The following LRRC52 variants were observed in gnomAD, a reference collection of about 807,000 sequenced individuals.
LRRC52 encodes the protein leucine-rich repeat-containing protein 52.
A neutral mutation model predicts 14.7 loss-of-function variants in LRRC52; 15 were observed. The ratio of observed to expected loss-of-function variants is 1.02; its 90% confidence interval spans 0.68 to 1.58. The LOEUF is 1.58. Among genes scored for constraint, LRRC52 ranks in the 40% most tolerant of loss-of-function variants. The pLI is 0.00. For missense variants in LRRC52, 400 were observed against 387.7 expected (o/e 1.03, Z -0.27); for synonymous variants, 180 against 163.9 (o/e 1.10, Z -0.75).
intron 1 of LRRC52, among the ~76,000 whole-genome samples, chr1:165,553,824 T>G (rs866161021): frequency 6.6e-6 from 1 of 152,202 alleles, no homozygotes; most frequent in Non-Finnish European, 1.5e-5. Context: ...GGTGCCTGTA[T>G]TTCTCTTTCA....
At position 165,548,083 on chromosome 1, in the gene LRRC52, C is replaced by A. The variant is rs1211258993; in HGVS notation, c.622+3165C>A. Among the ~76,000 whole-genome samples, 5 of 152,274 alleles carry A rather than the reference C, an allele frequency of 3.3e-5. 1 individual carries two copies. In the East Asian group the frequency reaches 9.6e-4, roughly 29 times the overall value. ...AGCCCATGTATCTCTCTACATATAT[C>A]CACATTTCAGGAGATAGGAAGATTT... On this transcript the variant is annotated intron_variant, in intron 1 of 1. Coordinates refer to ENST00000294818, the MANE Select transcript of LRRC52 (RefSeq NM_001005214.4).
At chr1:165,560,576 G>A (rs550178724) in intron 1 of LRRC52, among the ~76,000 whole-genome samples, 1 of 152,206 alleles carries the variant, frequency 6.6e-6, no homozygotes, top group Non-Finnish European at 1.5e-5. Context: ...CTAGGGATGA[G>A]TTCACGAGTG....
intron 1 of LRRC52, among the ~76,000 whole-genome samples, chr1:165,551,760 G>A (rs577288375): frequency 6.6e-6 from 1 of 152,230 alleles, no homozygotes; most frequent in East Asian, 1.9e-4. Context: ...GTTTTGAGCA[G>A]AGAACATCTT....
chr1:165,546,347 C>T (rs187444398), intron 1 of LRRC52, among the ~76,000 whole-genome samples: 2 of 152,328 alleles, frequency 1.3e-5, no homozygotes, highest in Admixed American at 1.3e-4. Flanking sequence ...CTTTGTCAGA[C>T]CATCTTCCAA....
At chr1:165,563,454 G>T in intron 1 of LRRC52, 51 bp from the exon 2 acceptor site, 1 of 1,533,702 alleles carries the variant, frequency 6.5e-7, no homozygotes, top group Non-Finnish European at 8.8e-7. Flanking sequence ...GCCTTAGGAC[G>T]CTGGGAGTCA....
At position 165,546,563 on chromosome 1, in the gene LRRC52, T is replaced by TGG. The variant is rs548561481; in HGVS notation, c.622+1645_622+1646insGG. On this transcript the variant is annotated intron_variant, in intron 1 of 1. Transcript: ENST00000294818. ...GGATTCTCCCCTGTCCATGTTCCTGTAAATTAGCCTGTGGAAGGGTGTCAT... is the reference window on the plus strand; with the variant it reads ...GGATTCTCCCCTGTCCATGTTCCTGTGGAAATTAGCCTGTGGAAGGGTGTCAT... Among the ~76,000 whole-genome samples, 44 of 152,300 alleles carry TGG rather than the reference T, an allele frequency of 2.9e-4. No homozygotes were observed. The South Asian group carries it at 8.9e-3, about 31-fold the overall frequency.
intron 1 of LRRC52, among the ~76,000 whole-genome samples, chr1:165,561,144 A>G (rs1283334644): frequency 1.3e-5 from 2 of 152,092 alleles, no homozygotes; most frequent in Non-Finnish European, 2.9e-5. Context: ...AAAGCCACCC[A>G]CATCCCTCAC....
intron 1 of LRRC52, among the ~76,000 whole-genome samples, chr1:165,550,994 A>G (rs1661119149): frequency 6.6e-6 from 1 of 152,202 alleles, no homozygotes; most frequent in Non-Finnish European, 1.5e-5. Flanking sequence ...AGATAAGCAC[A>G]CAGGAGGTGA....
intron 1 of LRRC52, among the ~76,000 whole-genome samples, chr1:165,557,025 C>T (rs1451713988): frequency 6.6e-6 from 1 of 152,208 alleles, no homozygotes; most frequent in Non-Finnish European, 1.5e-5. Flanking sequence ...CAATAATCCA[C>T]CCTTGCATTC....
chr1:165,557,254 C>T (rs1347642057), intron 1 of LRRC52, among the ~76,000 whole-genome samples: 2 of 152,192 alleles, frequency 1.3e-5, no homozygotes, highest in African/African-American at 4.8e-5. Context: ...AGGCTTATAC[C>T]TCCATTTGGT....
In LRRC52 at chr1:165,550,751, C is replaced by A. The variant is rs74120752; in HGVS notation, c.622+5833C>A. Among the ~76,000 whole-genome samples, 990 of 151,682 alleles carry A rather than the reference C, an allele frequency of 6.5e-3. 3 individuals carry two copies. The highest frequency in any genetic ancestry group is 0.022 in the African/African-American group (926 of 41,334). ...TATAATGCTGGGGTGGCTGTTTCACCGAGAAAAAAAGTCATAATTTTTGTC... is the reference window on the plus strand; with the variant it reads ...TATAATGCTGGGGTGGCTGTTTCACAGAGAAAAAAAGTCATAATTTTTGTC... On this transcript the variant is annotated intron_variant, in intron 1 of 1. Coordinates refer to ENST00000294818, the MANE Select transcript of LRRC52 (RefSeq NM_001005214.4).
rs115275152 is a variant in LRRC52 at position 165,561,849 on chromosome 1, C to T, written c.623-1656C>T. 3.5e-3 allele frequency among the ~76,000 whole-genome samples: 537 copies of T among 152,308 alleles called. 1 individual carries two copies. The highest frequency in any genetic ancestry group is 0.012 in the African/African-American group (519 of 41,558). ...GAAGCAAGAGGCAAGTATTGGTGTC[C>T]GGGTGAAGAGGACTGCTCTTTCCAG... On this transcript the variant is annotated intron_variant, in intron 1 of 1. Coordinates refer to ENST00000294818, the MANE Select transcript of LRRC52 (RefSeq NM_001005214.4).
chr1:165,558,552 T>C (rs1003509343), intron 1 of LRRC52, among the ~76,000 whole-genome samples: 6 of 152,284 alleles, frequency 3.9e-5, no homozygotes, highest in African/African-American at 1.4e-4. Flanking sequence ...ATATAGTGCC[T>C]AGCACATGTC....
At chr1:165,552,151 G>A (rs1338881570) in intron 1 of LRRC52, among the ~76,000 whole-genome samples, 1 of 152,012 alleles carries the variant, frequency 6.6e-6, no homozygotes, top group Admixed American at 6.5e-5. Context: ...GCAAGCATGG[G>A]ACATTTAGGA....
chr1:165,563,553 C>G lies in LRRC52; in HGVS notation c.671C>G (p.Pro224Arg), dbSNP rs903420522. Residue 224 changes from proline (P) to arginine (R), a missense_variant, in exon 2 of 2, where the codon CCC (proline) becomes CGC (arginine). Pro to Arg is a moderately radical substitution (Grantham distance 103, BLOSUM62 -2). Transcript: ENST00000294818. ...GAGCCCACAGAGCTGACAGGGTGGC[C>G]CATCACCCGGGTGGGGAACCCACTC... The part of the protein sequence containing the change: ...CVEPTELTGW[P>R]ITRVGNPLRY... 1.9e-6 allele frequency: 3 copies of G among 1,614,076 alleles called. No homozygotes were observed. The African/African-American group carries it at 4.0e-5, about 22-fold the overall frequency.
intron 1 of LRRC52, among the ~76,000 whole-genome samples, chr1:165,553,792 A>T (rs1661182396): frequency 6.6e-6 from 1 of 152,198 alleles, no homozygotes; most frequent in Non-Finnish European, 1.5e-5. Flanking sequence ...ACAGGGGACA[A>T]ATACAATTGA....
intron 1 of LRRC52, among the ~76,000 whole-genome samples, chr1:165,555,892 A>G (rs985404857): frequency 1.3e-5 from 2 of 152,214 alleles, no homozygotes; most frequent in Non-Finnish European, 2.9e-5. Context: ...TTCTGAGCAG[A>G]TGGGTAGTTA....
rs758918591 is a variant in LRRC52, at chr1:165,544,307, C to T, written c.11C>T (p.Ala4Val). MSL[A>V]SGPGPGWLLF... ...TTGTGGCTTCTTACTATGTCCCTTG[C>T]TTCAGGCCCTGGCCCTGGGTGGTTA... is the stretch of plus-strand genomic sequence containing the variant. Residue 4 changes from alanine to valine, a missense_variant, in exon 1 of 2, where the codon GCT (alanine) becomes GTT (valine). Physicochemically the swap from Ala to Val is moderately conservative, Grantham distance 64. Coordinates refer to ENST00000294818, the MANE Select transcript of LRRC52 (RefSeq NM_001005214.4). 7 of 1,601,442 alleles carry T rather than the reference C, an allele frequency of 4.4e-6. No homozygotes were observed. The African/African-American group carries it at 9.5e-5, about 22-fold the overall frequency.
chr1:165,544,793 A>G lies in LRRC52; in HGVS notation c.497A>G (p.Asp166Gly), dbSNP rs1557962032. 6.2e-7 allele frequency: 1 copy of G among 1,613,996 alleles called. No individual in the cohort carries two copies. Among genetic ancestry groups the G allele is most frequent in the East Asian group, 2.2e-5 (1 of 44,866 alleles). Reference protein sequence around the residue: ...DLRNTGLQTLDSAALYHLTTL... With the variant: ...DLRNTGLQTLGSAALYHLTTL... ...AGAAATACCGGCTTGCAGACCCTGG[A>G]CAGTGCTGCCTTATACCACCTCACT... The change falls in exon 1 of 2, where the codon GAC becomes GGC. Residue 166 changes from aspartate to glycine, a missense_variant. Coordinates refer to ENST00000294818, the MANE Select transcript of LRRC52 (RefSeq NM_001005214.4).
Sources: gnomAD v4.1 joint callset for allele counts (sites outside exome capture counted in the v4.1 genomes callset) on GRCh38, gnomAD v4.1.1 for gene constraint, MANE v1.5 for transcripts, NCBI Gene and HGNC (gene_info 2026-07-23, HGNC 2026-07-21) for gene names.